The following USP7 variants were observed in gnomAD, a reference collection of about 807,000 sequenced individuals.
USP7 encodes the protein ubiquitin specific peptidase 7, also known as ubiquitin C-terminal hydrolase 7.
In USP7, 9 loss-of-function variants were observed where a neutral mutation model predicts 162.9. The observed-to-expected ratio is 0.06, with a 90% CI of 0.03 to 0.10. The LOEUF (loss-of-function observed/expected upper bound fraction) is 0.10, where lower values mean the gene tolerates loss of function less well. Ranked by LOEUF, USP7 falls within the 10% of genes least tolerant of loss-of-function variation. USP7 has a pLI of 1.00. For synonymous variants in USP7, 562 were observed against 475.9 expected, an observed-to-expected ratio of 1.18 and a Z score of -2.35; for missense variants, 715 against 1,373.7, an observed-to-expected ratio of 0.52 and a Z score of 7.58.
At chr16:8,937,696 A>T (rs905297411) in intron 1 of USP7, among the ~76,000 whole-genome samples, 11 of 152,230 alleles carry the variant, frequency 7.2e-5, no homozygotes, top group African/African-American at 2.7e-4. Flanking sequence ...TAGGCTACAA[A>T]AAAAACAGAA....
chr16:8,905,124 T>C lies in USP7; in HGVS notation c.1573+63A>G, dbSNP rs543195044. Reference sequence around the variant, plus strand: ...TTTGGACAGAAAAGGATATTGGAGATTCATGGTACAAATGTCCAAGTCCAC... The same window carrying C: ...TTTGGACAGAAAAGGATATTGGAGACTCATGGTACAAATGTCCAAGTCCAC... On this transcript the variant is annotated intron_variant, in intron 14 of 30. Coordinates refer to ENST00000344836, the MANE Select transcript of USP7 (RefSeq NM_003470.3). 3.6e-5 allele frequency: 56 copies of C among 1,566,304 alleles called. No homozygotes were observed. In the African/African-American group the frequency reaches 5.9e-4, roughly 17 times the overall value.
chr16:8,954,460 T>C (rs1225436034), intron 1 of USP7, among the ~76,000 whole-genome samples: 2 of 152,218 alleles, frequency 1.3e-5, no homozygotes. Flanking sequence ...ATTCGGGTCA[T>C]GGGCAATGGG....
rs770418473 is a variant in USP7, at chr16:8,907,246, C to A, written c.1272-664G>T. ...TTTAAAAAATGTCTGCCACTGGCTC[C>A]AACAAAAATAAAAACAAAGTGAGGA... On this transcript the variant is annotated intron_variant, in intron 12 of 30. Coordinates refer to ENST00000344836, the MANE Select transcript of USP7 (RefSeq NM_003470.3). 2.8e-4 allele frequency among the ~76,000 whole-genome samples: 42 copies of A among 152,306 alleles called. No homozygotes were observed. The Middle Eastern group carries it at 0.014, about 49-fold the overall frequency.
chr16:8,960,883 C>T (rs757430638), intron 1 of USP7, among the ~76,000 whole-genome samples: 1 of 152,202 alleles, frequency 6.6e-6, no homozygotes, highest in Non-Finnish European at 1.5e-5. Flanking sequence ...TGGGTACTCA[C>T]AGGGCACTAT....
intron 1 of USP7, among the ~76,000 whole-genome samples, chr16:8,950,268 G>T (rs1899489433): frequency 6.6e-6 from 1 of 152,016 alleles, no homozygotes; most frequent in Non-Finnish European, 1.5e-5. Flanking sequence ...TTGGTATCTA[G>T]GCTTGCAGAG....
At chr16:8,920,817 G>C (rs1897647694) in intron 4 of USP7, among the ~76,000 whole-genome samples, 1 of 152,166 alleles carries the variant, frequency 6.6e-6, no homozygotes, top group Non-Finnish European at 1.5e-5. Context: ...TCTGCAAAAA[G>C]CAGCCAAAGT....
intron 26 of USP7, among the ~76,000 whole-genome samples, chr16:8,896,579 G>C (rs1006749151): frequency 1.3e-5 from 2 of 152,122 alleles, no homozygotes; most frequent in African/African-American, 2.4e-5. Flanking sequence ...GAACAGAAGT[G>C]ACTCAATCTG....
At chr16:8,926,927 T>A (rs566181478) in intron 2 of USP7, among the ~76,000 whole-genome samples, 1 of 152,180 alleles carries the variant, frequency 6.6e-6, no homozygotes, top group Non-Finnish European at 1.5e-5. Context: ...CAGGGACAAT[T>A]ACCTACAGCA....
At chr16:8,903,074 G>A (rs920205102) in intron 16 of USP7, among the ~76,000 whole-genome samples, 194 bp downstream of exon 16, 1 of 152,194 alleles carries the variant, frequency 6.6e-6, no homozygotes, top group African/African-American at 2.4e-5. Flanking sequence ...GGGTTCCCCT[G>A]TGCAGGAGTC....
intron 1 of USP7, among the ~76,000 whole-genome samples, chr16:8,955,517 G>A (rs1899751476): frequency 6.6e-6 from 1 of 152,062 alleles, no homozygotes. Flanking sequence ...GGTCAGGCCT[G>A]GCCAACATGG....
intron 30 of USP7, 48 bp from the exon 31 acceptor site, chr16:8,894,152 A>G: frequency 6.4e-7 from 1 of 1,564,028 alleles, no homozygotes; most frequent in Non-Finnish European, 8.8e-7. Flanking sequence ...CAGCCCTGGA[A>G]CCCCTCAGCG....
chr16:8,899,284 T>C, intron 22 of USP7, 96 bp from the exon 23 acceptor site: 1 of 1,200,664 alleles, frequency 8.3e-7, no homozygotes, highest in Non-Finnish European at 1.2e-6. Flanking sequence ...ATGAGCAGCC[T>C]GAATTTAAAT....
At chr16:8,927,420 A>AAG (rs1489816948) in intron 2 of USP7, among the ~76,000 whole-genome samples, 1 of 152,200 alleles carries the variant, frequency 6.6e-6, no homozygotes, top group African/African-American at 2.4e-5. Context: ...TGTTGCAGTG[A>AAG]TTTTAGCAAA....
Position 8,908,542 on chromosome 16 carries a change from GTCTGGAGAC to G in USP7, c.1162-101_1162-93del, listed in dbSNP as rs371228636. Reference sequence around the variant, plus strand: ...CAGCGGTTCAGCAAGATTGGAACATGTCTGGAGACTCTGGAGACAAAGGCAGGGAAGTTT... The same window carrying G: ...CAGCGGTTCAGCAAGATTGGAACATGTCTGGAGACAAAGGCAGGGAAGTTT... On this transcript the variant is annotated intron_variant, in intron 11 of 30. Transcript: ENST00000344836. The G allele has an allele frequency of 6.1e-4, 655 of 1,065,620 alleles. 1 individual carries two copies. In the African/African-American group the frequency reaches 9.0e-3, roughly 15 times the overall value. 66.0% of individuals were successfully genotyped at this position (1,065,620 alleles called of 1,614,324 possible). A position where few individuals can be genotyped will look rare whatever the true frequency, so the allele number is the denominator to read the frequency against.
intron 23 of USP7, 112 bp from the exon 24 acceptor site, chr16:8,898,751 G>A (rs965576497): frequency 1.2e-6 from 1 of 848,750 alleles, no homozygotes; most frequent in East Asian, 2.6e-5. Flanking sequence ...CTTGAAATTT[G>A]GACCTAGCAT....
At chr16:8,908,728 A>T (rs529572216) in intron 11 of USP7, among the ~76,000 whole-genome samples, 13 of 152,378 alleles carry the variant, frequency 8.5e-5, no homozygotes, top group African/African-American at 3.1e-4. Flanking sequence ...TCAGGGAAGA[A>T]ATGGTTAAGG....
At chr16:8,952,759 C>T (rs1216841847) in intron 1 of USP7, among the ~76,000 whole-genome samples, 1 of 152,196 alleles carries the variant, frequency 6.6e-6, no homozygotes, top group Non-Finnish European at 1.5e-5. Flanking sequence ...AACCACAGAC[C>T]CTAAACCTCT....
At chr16:8,894,878 C>T in intron 28 of USP7, 23 bp from the exon 29 acceptor site, 1 of 1,614,176 alleles carries the variant, frequency 6.2e-7, no homozygotes, top group Non-Finnish European at 8.5e-7. Context: ...AGGACATGTG[C>T]TCACACAGTC....
chr16:8,948,993 G>T (rs1051674458), intron 1 of USP7, among the ~76,000 whole-genome samples: 4 of 152,138 alleles, frequency 2.6e-5, no homozygotes, highest in Non-Finnish European at 5.9e-5. Context: ...CACAGTCTAT[G>T]AAATGTCTAG....
Sources: gnomAD v4.1 joint callset for allele counts (sites outside exome capture counted in the v4.1 genomes callset) on GRCh38, gnomAD v4.1.1 for gene constraint, MANE v1.5 for transcripts, NCBI Gene and HGNC (gene_info 2026-07-23, HGNC 2026-07-21) for gene names.